The following APCDD1L variants were observed in gnomAD, a reference collection of about 807,000 sequenced individuals.
APCDD1L encodes protein APCDD1-like.
Under a neutral mutation model 24.2 loss-of-function variants are expected in APCDD1L, and 21 were observed. The observed-to-expected ratio is 0.87, with a 90% CI of 0.61 to 1.25. The LOEUF (loss-of-function observed/expected upper bound fraction) is 1.25. Ranked by LOEUF, APCDD1L falls within the 50% of genes most tolerant of loss-of-function variation. APCDD1L has a pLI of 0.00. For synonymous variants in APCDD1L, 321 were observed against 323.6 expected, an observed-to-expected ratio of 0.99 and a Z score of 0.09; for missense variants, 704 against 711.7, an observed-to-expected ratio of 0.99 and a Z score of 0.12.
chr20:58,499,714 A>G (rs1351232087), intron 1 of APCDD1L, among the ~76,000 whole-genome samples: 1 of 151,818 alleles, frequency 6.6e-6, no homozygotes, highest in Non-Finnish European at 1.5e-5. Flanking sequence ...CCCTGCTTCC[A>G]CCCCAGGACA....
chr20:58,474,700 G>A (rs1263521508), intron 1 of APCDD1L, among the ~76,000 whole-genome samples: 1 of 152,160 alleles, frequency 6.6e-6, no homozygotes, highest in African/African-American at 2.4e-5. Flanking sequence ...GTGAGACTCA[G>A]TCTCAAACAA....
chr20:58,476,884 G>T (rs2123149770), intron 1 of APCDD1L, among the ~76,000 whole-genome samples: 1 of 152,278 alleles, frequency 6.6e-6, no homozygotes, highest in East Asian at 1.9e-4. Flanking sequence ...TCTGTGCTGG[G>T]CTCTCCATCT....
intron 1 of APCDD1L, among the ~76,000 whole-genome samples, chr20:58,485,543 T>C (rs567215130): frequency 6.6e-6 from 1 of 152,362 alleles, no homozygotes; most frequent in Non-Finnish European, 1.5e-5. Context: ...CTCCATTAAC[T>C]TGGATTCTTA....
intron 3 of APCDD1L, among the ~76,000 whole-genome samples, chr20:58,464,856 CTTTT>C (rs11415092): frequency 6.8e-6 from 1 of 146,486 alleles, no homozygotes; most frequent in African/African-American, 2.5e-5. Flanking sequence ...TTCTTTCTTT[CTTTT>C]TTTTTTTTTC....
At chr20:58,481,733 G>C (rs545881336) in intron 1 of APCDD1L, among the ~76,000 whole-genome samples, 8 of 152,280 alleles carry the variant, frequency 5.3e-5, no homozygotes, top group Admixed American at 2.0e-4. Context: ...CACCCCGCCG[G>C]CTCCAGCTTC....
Position 58,482,228 on chromosome 20 carries a change from C to T in APCDD1L, c.50-11481G>A, listed in dbSNP as rs1990037801. ...GAGTGCAATTTTGTGGGAAAACCTACATCATGTTTCGGAAAACCCATTTTG... is the reference window on the plus strand; with the variant it reads ...GAGTGCAATTTTGTGGGAAAACCTATATCATGTTTCGGAAAACCCATTTTG... On this transcript the variant is annotated intron_variant, in intron 1 of 3. Transcript: ENST00000371149. Among the ~76,000 whole-genome samples, 2 of 152,192 alleles carry T rather than the reference C, an allele frequency of 1.3e-5. 1 individual carries two copies. The highest frequency in any genetic ancestry group is 4.1e-4 in the South Asian group (2 of 4,836).
At chr20:58,482,545 C>T (rs1028532614) in intron 1 of APCDD1L, among the ~76,000 whole-genome samples, 5 of 152,028 alleles carry the variant, frequency 3.3e-5, no homozygotes, top group South Asian at 2.1e-4. Flanking sequence ...CGGAAGAGCG[C>T]ACGTAGCTCA....
In APCDD1L at chr20:58,471,834, G is replaced by A. The variant is rs551587988; in HGVS notation, c.50-1087C>T. On this transcript the variant is annotated intron_variant, in intron 1 of 3. Coordinates refer to ENST00000371149, the MANE Select transcript of APCDD1L (RefSeq NM_153360.3). ...GCCCTGGAGGCCCAGCTCCTGCAGC[G>A]AAGCTTCCAAGCATGGCTCTTCCCA... 5.9e-5 allele frequency among the ~76,000 whole-genome samples: 9 copies of A among 152,328 alleles called. No individual in the cohort carries two copies. The East Asian group carries it at 7.7e-4, about 13-fold the overall frequency.
At chr20:58,487,801 C>T (rs929291682) in intron 1 of APCDD1L, among the ~76,000 whole-genome samples, 3 of 152,150 alleles carry the variant, frequency 2.0e-5, no homozygotes, top group African/African-American at 7.2e-5. Flanking sequence ...ATTGCTATAG[C>T]TAGAGGGAAA....
At chr20:58,477,328 T>C (rs1989929405) in intron 1 of APCDD1L, among the ~76,000 whole-genome samples, 1 of 152,246 alleles carries the variant, frequency 6.6e-6, no homozygotes, top group Admixed American at 6.5e-5. Flanking sequence ...CTGAGACATA[T>C]CTTCTCTTTT....
chr20:58,513,789 G>T, intron 1 of APCDD1L: 1 of 832,900 alleles, frequency 1.2e-6, no homozygotes, highest in Non-Finnish European at 1.8e-6. Context: ...AGAAAGTCAA[G>T]GCTGAGAGAG....
intron 1 of APCDD1L, among the ~76,000 whole-genome samples, chr20:58,499,557 G>A (rs1990392166): frequency 6.6e-6 from 1 of 152,214 alleles, no homozygotes; most frequent in South Asian, 2.1e-4. Flanking sequence ...GCCCTCAAGA[G>A]CTGTTGGATT....
At chr20:58,507,740 C>T (rs1187009611) in intron 1 of APCDD1L, among the ~76,000 whole-genome samples, 2 of 152,144 alleles carry the variant, frequency 1.3e-5, no homozygotes, top group Admixed American at 6.5e-5. Flanking sequence ...AAAAAAATTG[C>T]AACACATACA....
intron 1 of APCDD1L, among the ~76,000 whole-genome samples, chr20:58,474,063 C>A (rs997143099): frequency 9.9e-5 from 15 of 152,188 alleles, no homozygotes; most frequent in Admixed American, 7.2e-4. Context: ...TGAGCACACC[C>A]AGAAGTGTGG....
In APCDD1L at chr20:58,467,516, G is replaced by A. The variant is rs142713050; in HGVS notation, c.331C>T (p.Arg111Cys). 6 of 1,599,498 alleles carry A rather than the reference G, an allele frequency of 3.8e-6. No individual in the cohort carries two copies. Among genetic ancestry groups the A allele is most frequent in the African/African-American group, 2.7e-5 (2 of 74,212 alleles). The change falls in exon 3 of 4, where the codon CGC (arginine) becomes TGC (cysteine). Residue 111 changes from arginine (R) to cysteine (C), a missense_variant. By Grantham distance (180) the Arg-to-Cys change is radical. Coordinates refer to ENST00000371149, the MANE Select transcript of APCDD1L (RefSeq NM_153360.3). This position sits in a 1 kb window ranked among gnomAD's most constrained non-coding sequence, Gnocchi z 5.9. Reference protein sequence around the residue: ...AHSLLVKGKVRLRRASWVTRG... With the variant: ...AHSLLVKGKVCLRRASWVTRG... Reference sequence around the variant, plus strand: ...GTGACCCAGGAGGCCCGGCGCAGGCGGACTTTGCCCTTGACGAGCAGCGAG... The same window carrying A: ...GTGACCCAGGAGGCCCGGCGCAGGCAGACTTTGCCCTTGACGAGCAGCGAG...
At chr20:58,486,086 C>A (rs1352222607) in intron 1 of APCDD1L, among the ~76,000 whole-genome samples, 1 of 152,132 alleles carries the variant, frequency 6.6e-6, no homozygotes, top group Non-Finnish European at 1.5e-5. Flanking sequence ...ACCCAATACA[C>A]AAGTAAGCAA....
At chr20:58,492,141 C>T (rs377310907) in intron 1 of APCDD1L, among the ~76,000 whole-genome samples, 1 of 152,150 alleles carries the variant, frequency 6.6e-6, no homozygotes, top group African/African-American at 2.4e-5. Flanking sequence ...ATCTTATGAC[C>T]GCGAGCTAGC....
chr20:58,465,760 C>T (rs1336443173), intron 3 of APCDD1L, among the ~76,000 whole-genome samples: 1 of 152,194 alleles, frequency 6.6e-6, no homozygotes, highest in African/African-American at 2.4e-5. Flanking sequence ...GAACCTCTGA[C>T]CTTGTATGAC....
chr20:58,505,834 T>A (rs901972790), intron 1 of APCDD1L, among the ~76,000 whole-genome samples: 1 of 152,102 alleles, frequency 6.6e-6, no homozygotes, highest in African/African-American at 2.4e-5. Flanking sequence ...ACTGGTGTAC[T>A]TATTAGAAAA....
Sources: gnomAD v4.1 joint callset for allele counts (sites outside exome capture counted in the v4.1 genomes callset) on GRCh38, gnomAD v4.1.1 for gene constraint, Gnocchi (gnomAD v3.1) non-coding constraint, MANE v1.5 for transcripts, NCBI Gene and HGNC (gene_info 2026-07-23, HGNC 2026-07-21) for gene names.